The following TPRG1 variants were observed in gnomAD, a reference collection of about 807,000 sequenced individuals.
TPRG1 encodes tumor protein p63 regulated 1.
TPRG1 carries 29 observed loss-of-function variants against 29.3 expected under a neutral mutation model. That is an observed-to-expected ratio of 0.99 (90% CI 0.74 to 1.35). The LOEUF (loss-of-function observed/expected upper bound fraction) is 1.35, where lower values mean the gene tolerates loss of function less well. Ranked by LOEUF, TPRG1 falls within the 40% of genes most tolerant of loss-of-function variation. TPRG1 has a pLI of 0.00. For missense variants in TPRG1, 327 were observed against 335.0 expected, an observed-to-expected ratio of 0.98 and a Z score of 0.19; for synonymous variants, 130 against 116.8, an observed-to-expected ratio of 1.11 and a Z score of -0.73.
intron 4 of TPRG1, among the ~76,000 whole-genome samples, chr3:189,260,144 T>A (rs1712744162): frequency 6.6e-6 from 1 of 152,200 alleles, no homozygotes; most frequent in East Asian, 1.9e-4. Context: ...TCTTCCCATT[T>A]GTAAACTGGA....
chr3:189,071,552 C>G (rs1183530608), intron 4 of TPRG1, among the ~76,000 whole-genome samples: 1 of 152,156 alleles, frequency 6.6e-6, no homozygotes, highest in East Asian at 1.9e-4. Flanking sequence ...GACACACACA[C>G]ATGCAATTGA....
At chr3:189,257,765 TC>T (rs2109024853) in intron 4 of TPRG1, among the ~76,000 whole-genome samples, 1 of 152,338 alleles carries the variant, frequency 6.6e-6, no homozygotes, top group Admixed American at 6.5e-5. Context: ...TGATCTTCAA[TC>T]TCTGATATCC....
chr3:189,198,984 T>C (rs909928119), intron 1 of TPRG1, among the ~76,000 whole-genome samples: 1 of 152,240 alleles, frequency 6.6e-6, no homozygotes, highest in Non-Finnish European at 1.5e-5. Flanking sequence ...AAATACATGC[T>C]GTGAGAAACT....
chr3:189,279,329 A>T (rs895098680), intron 4 of TPRG1, among the ~76,000 whole-genome samples: 1 of 152,198 alleles, frequency 6.6e-6, no homozygotes, highest in African/African-American at 2.4e-5. Flanking sequence ...AGTTGAAGGT[A>T]GAGATCACAA....
intron 1 of TPRG1, among the ~76,000 whole-genome samples, chr3:189,200,206 C>T (rs938970067): frequency 6.6e-6 from 1 of 152,158 alleles, no homozygotes; most frequent in Non-Finnish European, 1.5e-5. Flanking sequence ...CTCAACTTTC[C>T]CCCAGGACAC....
At chr3:189,060,210 C>T in intron 4 of TPRG1, among the ~76,000 whole-genome samples, 1 of 152,032 alleles carries the variant, frequency 6.6e-6, no homozygotes, top group Non-Finnish European at 1.5e-5. Context: ...CCAGCCTGGG[C>T]AACAAGAGCG....
At chr3:189,129,931 C>CA (rs758054366) in intron 2 of TPRG1, among the ~76,000 whole-genome samples, 2 of 152,100 alleles carry the variant, frequency 1.3e-5, no homozygotes, top group African/African-American at 2.4e-5. Context: ...GAGAAATGCA[C>CA]AAAAAATCTC....
intron 4 of TPRG1, among the ~76,000 whole-genome samples, chr3:189,256,802 GT>G (rs1560613066): frequency 6.6e-6 from 1 of 152,094 alleles, no homozygotes; most frequent in Non-Finnish European, 1.5e-5. Flanking sequence ...TTTAAAGTCT[GT>G]TTTATCAGAG....
At chr3:189,001,705 G>T (rs1022092561) in intron 2 of TPRG1, among the ~76,000 whole-genome samples, 1 of 152,080 alleles carries the variant, frequency 6.6e-6, no homozygotes, top group African/African-American at 2.4e-5. Context: ...AAGACAAGAT[G>T]AGCTCCATGA....
At chr3:189,302,958 G>A (rs1388524442) in intron 4 of TPRG1, among the ~76,000 whole-genome samples, 2 of 152,198 alleles carry the variant, frequency 1.3e-5, no homozygotes, top group East Asian at 3.8e-4. Flanking sequence ...GATGGTGATG[G>A]AGGAGACAGC....
chr3:189,028,442 T>C (rs1317338134), intron 4 of TPRG1, among the ~76,000 whole-genome samples: 2 of 152,212 alleles, frequency 1.3e-5, no homozygotes, highest in African/African-American at 4.8e-5. Flanking sequence ...TCATATAGCA[T>C]GCATTGCTCA....
At chr3:189,301,895 A>G (rs1227830539) in intron 4 of TPRG1, among the ~76,000 whole-genome samples, 1 of 152,164 alleles carries the variant, frequency 6.6e-6, no homozygotes, top group African/African-American at 2.4e-5. Flanking sequence ...GCTCTGGACC[A>G]TGCACTTTTC....
intron 5 of TPRG1, among the ~76,000 whole-genome samples, chr3:189,310,783 G>T (rs776803013): frequency 6.6e-6 from 1 of 151,608 alleles, no homozygotes. Context: ...GCTGCTTTCC[G>T]CTTGCTAATT....
At chr3:189,177,309 T>G (rs1729606494) in intron 1 of TPRG1, among the ~76,000 whole-genome samples, 1 of 151,948 alleles carries the variant, frequency 6.6e-6, no homozygotes, top group Admixed American at 6.6e-5. Context: ...AGGTTAAGTT[T>G]GAAATGTTAA....
At chr3:189,212,555 G>C (rs925179141) in intron 2 of TPRG1, among the ~76,000 whole-genome samples, 14 of 131,802 alleles carry the variant, frequency 1.1e-4, no homozygotes, top group African/African-American at 3.3e-4. Context: ...TGTGAAGATT[G>C]TAAAAAAGAT....
At chr3:189,224,252 G>C (rs1195669314) in intron 3 of TPRG1, among the ~76,000 whole-genome samples, 4 of 152,228 alleles carry the variant, frequency 2.6e-5, no homozygotes, top group African/African-American at 9.6e-5. Context: ...GGAGGCGAAA[G>C]CGGGTGGATC....
chr3:189,133,214 G>C (rs1723304218), intron 3 of TPRG1, among the ~76,000 whole-genome samples: 1 of 152,190 alleles, frequency 6.6e-6, no homozygotes, highest in African/African-American at 2.4e-5. Flanking sequence ...GATCTGGAAA[G>C]AGTTTGAATG....
At chr3:189,318,391 C>T (rs1183433285) in intron 5 of TPRG1, among the ~76,000 whole-genome samples, 1 of 152,102 alleles carries the variant, frequency 6.6e-6, no homozygotes, top group Non-Finnish European at 1.5e-5. Flanking sequence ...GTCAACTTTT[C>T]CCTTGAGTTT....
intron 4 of TPRG1, among the ~76,000 whole-genome samples, chr3:189,250,763 A>AG (rs1198744233): frequency 6.7e-6 from 1 of 149,038 alleles, no homozygotes; most frequent in Non-Finnish European, 1.5e-5. Flanking sequence ...AAAAAAAAAA[A>AG]AAAAGCAATG....
Sources: allele counts gnomAD v4.1 joint callset (sites outside exome capture counted in the v4.1 genomes callset), GRCh38; gene constraint gnomAD v4.1.1; transcripts MANE v1.5; gene names NCBI Gene and HGNC (gene_info 2026-07-23, HGNC 2026-07-21).